Variants in FAM114A2 observed in about 807,000 individuals in gnomAD.
FAM114A2 encodes the protein protein FAM114A2.
In FAM114A2, 53 loss-of-function variants were observed where a neutral mutation model predicts 58.4. That is an observed-to-expected ratio of 0.91 (90% CI 0.73 to 1.14). The LOEUF is 1.14. Among genes scored for constraint, FAM114A2 ranks in the 50% most tolerant of loss-of-function variants. FAM114A2 has a pLI of 0.00. For missense variants in FAM114A2, 601 were observed against 581.1 expected, an observed-to-expected ratio of 1.03 and a Z score of -0.35; for synonymous variants, 228 against 211.4, an observed-to-expected ratio of 1.08 and a Z score of -0.68.
At chr5:154,019,439 T>G (rs1771255073) in intron 8 of FAM114A2, among the ~76,000 whole-genome samples, 1 of 152,142 alleles carries the variant, frequency 6.6e-6, no homozygotes, top group Non-Finnish European at 1.5e-5. Flanking sequence ...ATCAACATTT[T>G]GAAAATGACC....
chr5:153,990,984 A>C lies in FAM114A2; in HGVS notation c.*1992T>G, dbSNP rs1248048026. The C allele has an allele frequency of 6.6e-6, 1 of 152,190 alleles. No homozygotes were observed. The highest frequency in any genetic ancestry group is 2.4e-5 in the African/African-American group (1 of 41,450). The allele number at this position is 152,190 out of a possible 1,614,324, so 9.4% of individuals were successfully genotyped here. On this transcript the variant is annotated 3_prime_UTR_variant, in exon 14 of 14. Transcript: ENST00000351797. ...TATGTCTACTGGATCAAGGAATCTT[A>C]ATTCTTTTTCAGTATATTTTATGTG...
At chr5:154,012,422 T>G (rs993629415) in intron 8 of FAM114A2, among the ~76,000 whole-genome samples, 2 of 152,224 alleles carry the variant, frequency 1.3e-5, no homozygotes, top group African/African-American at 4.8e-5. Context: ...AGCCCAAGGC[T>G]TCTCTGCAAC....
At chr5:153,995,607 G>T (rs1769504819) in intron 12 of FAM114A2, among the ~76,000 whole-genome samples, 1 of 152,036 alleles carries the variant, frequency 6.6e-6, no homozygotes, top group African/African-American at 2.4e-5. Flanking sequence ...CATGACTAGG[G>T]CTTTAAAATA....
intron 1 of FAM114A2, among the ~76,000 whole-genome samples, chr5:154,035,745 G>C (rs1231353623): frequency 1.3e-5 from 2 of 152,164 alleles, no homozygotes; most frequent in Non-Finnish European, 2.9e-5. Context: ...TTCATGTTTA[G>C]TTTTATGAGA....
intron 8 of FAM114A2, among the ~76,000 whole-genome samples, chr5:154,024,257 A>AAT (rs1426204417): frequency 2.6e-5 from 4 of 152,192 alleles, no homozygotes; most frequent in African/African-American, 9.6e-5. Context: ...TGAGAACATT[A>AAT]AAGAGCTTTT....
Position 153,992,936 on chromosome 5 carries a change from C to A in FAM114A2, c.*40G>T, listed in dbSNP as rs188786544. The A allele has an allele frequency of 1.1e-4, 167 of 1,590,206 alleles. 1 individual carries two copies. Among genetic ancestry groups the A allele is most frequent in the South Asian group, 3.2e-4 (28 of 87,916 alleles). On this transcript the variant is annotated 3_prime_UTR_variant, in exon 14 of 14. Transcript: ENST00000351797. ...GAGTAGCCAGAATAAGGTGGCATTCCTTGGCCGTCACAAGTCCCAGGTCAA... is the reference window on the plus strand; with the variant it reads ...GAGTAGCCAGAATAAGGTGGCATTCATTGGCCGTCACAAGTCCCAGGTCAA...
intron 9 of FAM114A2, among the ~76,000 whole-genome samples, chr5:154,003,827 C>A (rs1399133866): frequency 2.0e-5 from 3 of 152,210 alleles, no homozygotes; most frequent in African/African-American, 7.2e-5. Flanking sequence ...TGTATTAGTT[C>A]ATTCATATTA....
At chr5:153,995,744 C>G (rs988494738) in intron 12 of FAM114A2, among the ~76,000 whole-genome samples, 5 of 152,134 alleles carry the variant, frequency 3.3e-5, no homozygotes, top group African/African-American at 9.7e-5. Context: ...CTCATTATTA[C>G]TGGTTTCTCA....
intron 12 of FAM114A2, among the ~76,000 whole-genome samples, chr5:153,996,926 G>A (rs1170270221): frequency 6.6e-6 from 1 of 150,836 alleles, no homozygotes. Context: ...GGACCCAGGA[G>A]GCAGAGGTTG....
chr5:154,004,729 TCTTC>T, intron 9 of FAM114A2, among the ~76,000 whole-genome samples: 1 of 91,664 alleles, frequency 1.1e-5, no homozygotes, highest in East Asian at 8.5e-4. Flanking sequence ...CCTCTTCCCG[TCTTC>T]CTCCTCCCTA....
At chr5:154,031,855 G>A (rs1581837533) in intron 4 of FAM114A2, among the ~76,000 whole-genome samples, 1 of 152,070 alleles carries the variant, frequency 6.6e-6, no homozygotes, top group East Asian at 1.9e-4. Context: ...TAAAACTCAG[G>A]ACCCCAAATT....
chr5:154,009,202 A>C (rs1160991805), intron 9 of FAM114A2, among the ~76,000 whole-genome samples: 2 of 152,182 alleles, frequency 1.3e-5, no homozygotes, highest in Non-Finnish European at 2.9e-5. Context: ...GGGGCACAGA[A>C]GGCATAAGAT....
chr5:154,031,690 G>A (rs576973359), intron 4 of FAM114A2, among the ~76,000 whole-genome samples: 14 of 152,228 alleles, frequency 9.2e-5, no homozygotes, highest in Admixed American at 8.5e-4. Flanking sequence ...CATAAACCAT[G>A]AATAATAAAC....
At chr5:154,011,585 T>C (rs1770704321) in intron 8 of FAM114A2, among the ~76,000 whole-genome samples, 1 of 152,178 alleles carries the variant, frequency 6.6e-6, no homozygotes, top group Non-Finnish European at 1.5e-5. Flanking sequence ...AGACATTAAG[T>C]GACTTCCCCA....
At chr5:154,017,383 G>A (rs761853847) in intron 8 of FAM114A2, among the ~76,000 whole-genome samples, 6 of 152,208 alleles carry the variant, frequency 3.9e-5, no homozygotes, top group South Asian at 4.2e-4. Context: ...CAGAGGTTGC[G>A]GTGAGCCGAG....
At position 154,027,337 on chromosome 5, in the gene FAM114A2, A is replaced by T. The variant is rs1187551489; in HGVS notation, c.631-3T>A. 1 of 1,608,086 alleles carries T rather than the reference A, an allele frequency of 6.2e-7. No individual in the cohort carries two copies. The highest frequency in any genetic ancestry group is 1.7e-5 in the Admixed American group (1 of 58,680). ...TTCTCCTTCGCCTCTCGTAAAACCT[A>T]AAAAGAGATGGAGGCATTACACTGT... is the stretch of plus-strand genomic sequence containing the variant. On this transcript the variant is annotated splice_region_variant and splice_polypyrimidine_tract_variant and intron_variant, in intron 6 of 13. Coordinates refer to ENST00000351797, the MANE Select transcript of FAM114A2 (RefSeq NM_018691.4).
Position 153,994,935 on chromosome 5 carries a change from G to C in FAM114A2, c.1367C>G (p.Thr456Ser). The C allele has an allele frequency of 1.2e-6, 2 of 1,606,228 alleles. No homozygotes were observed. The highest frequency in any genetic ancestry group is 1.7e-6 in the Non-Finnish European group (2 of 1,173,124). ...ATTACTAACCTCTAGAAATACTGCA[G>C]TGATTAATGGGTTAAGGACATCTGC... ...EMADVLNPLI[T>S]AVFLEASNSA... The change falls in exon 13 of 14, where the codon ACT becomes AGT. Residue 456 changes from threonine (T) to serine (S), a missense_variant. Coordinates refer to ENST00000351797, the MANE Select transcript of FAM114A2 (RefSeq NM_018691.4).
intron 4 of FAM114A2, among the ~76,000 whole-genome samples, chr5:154,031,654 G>A (rs1171578528): frequency 1.3e-5 from 2 of 152,150 alleles, no homozygotes; most frequent in Non-Finnish European, 2.9e-5. Flanking sequence ...AACTTCCACT[G>A]AGTGGTACTA....
rs771760226 is a variant in FAM114A2 at position 154,002,956 on chromosome 5, G to A, written c.1007C>T (p.Ala336Val). The A allele has an allele frequency of 3.1e-6, 5 of 1,613,506 alleles. No homozygotes were observed. The Admixed American group carries it at 6.7e-5, about 22-fold the overall frequency. The stretch of plus-strand genomic sequence containing the variant: ...CAGAGACTTCCTGATCCATTCGTGG[G>A]CGGTATTTCTTGCCTAAATAAGAAA... Reference protein sequence around the residue: ...PEKLARARNTAHEWIRKSLTK... With the variant: ...PEKLARARNTVHEWIRKSLTK... Residue 336 changes from alanine to valine, a missense_variant, in exon 10 of 14, where the codon GCC (alanine) becomes GTC (valine). Transcript: ENST00000351797.
Sources: gnomAD v4.1 joint callset for allele counts (sites outside exome capture counted in the v4.1 genomes callset) on GRCh38, gnomAD v4.1.1 for gene constraint, MANE v1.5 for transcripts, NCBI Gene and HGNC (gene_info 2026-07-23, HGNC 2026-07-21) for gene names.